Variants in RCN2 observed in about 807,000 individuals in gnomAD.
RCN2 encodes reticulocalbin-2.
Under a neutral mutation model 37.5 loss-of-function variants are expected in RCN2, and 23 were observed. That is an observed-to-expected ratio of 0.61 (90% CI 0.44 to 0.87). The LOEUF is 0.87. Ranked by LOEUF, RCN2 falls within the 40% of genes least tolerant of loss-of-function variation. The pLI, the probability that RCN2 is intolerant of heterozygous loss-of-function variation, is 0.00. For synonymous variants in RCN2, 140 were observed against 144.6 expected (o/e 0.97, Z 0.23); for missense variants, 381 against 390.4 (o/e 0.98, Z 0.20).
intron 3 of RCN2, among the ~76,000 whole-genome samples, chr15:76,939,404 A>G (rs1227281176): frequency 6.6e-6 from 1 of 151,204 alleles, no homozygotes; most frequent in Non-Finnish European, 1.5e-5. Context: ...ACATAAATTT[A>G]TATTTAATCA....
Position 76,953,419 on chromosome 15 carries a change from C to G in RCN2, c.*4197C>G, listed in dbSNP as rs758565543. 3.3e-5 allele frequency: 5 copies of G among 150,996 alleles called. No homozygotes were observed. Among genetic ancestry groups the G allele is most frequent in the Non-Finnish European group, 7.4e-5 (5 of 67,870 alleles). The allele number at this position is 150,996 out of a possible 1,614,324, so 9.4% of individuals were successfully genotyped here. On this transcript the variant is annotated 3_prime_UTR_variant, in exon 7 of 7. Transcript: ENST00000394885. The stretch of plus-strand genomic sequence containing the variant: ...TTATCCATTCACCCTTTGATGGACA[C>G]AGGTTGCTTCCACCTTTTATTGTGA...
chr15:76,932,631 G>A (rs145220196), intron 2 of RCN2, among the ~76,000 whole-genome samples, 165 bp downstream of exon 2: 1 of 152,224 alleles, frequency 6.6e-6, no homozygotes, highest in Admixed American at 6.5e-5. Context: ...TAGACACTGA[G>A]AACCAAGTAA....
Position 76,951,350 on chromosome 15 carries a change from G to A in RCN2, c.*2128G>A, listed in dbSNP as rs961999811. On this transcript the variant is annotated 3_prime_UTR_variant, in exon 7 of 7. Coordinates refer to ENST00000394885, the MANE Select transcript of RCN2 (RefSeq NM_002902.3). ...TTTCCTCTGCCACAGCACTGTGCAG[G>A]AGGCCTCAGCTGAAATGGTGCAGCC... The A allele has an allele frequency of 6.6e-6, 1 of 152,212 alleles. No homozygotes were observed. Among genetic ancestry groups the A allele is most frequent in the African/African-American group, 2.4e-5 (1 of 41,424 alleles). The allele number at this position is 152,212 out of a possible 1,614,324, so 9.4% of individuals were successfully genotyped here.
intron 2 of RCN2, among the ~76,000 whole-genome samples, chr15:76,934,324 A>G (rs1012627567): frequency 1.3e-5 from 2 of 151,878 alleles, no homozygotes; most frequent in African/African-American, 4.8e-5. Flanking sequence ...TTGTATTTTT[A>G]GTAGAGACGG....
intron 3 of RCN2, among the ~76,000 whole-genome samples, chr15:76,939,388 C>T (rs1318716874): frequency 6.6e-6 from 1 of 152,052 alleles, no homozygotes; most frequent in Non-Finnish European, 1.5e-5. Context: ...AAAGCATTTA[C>T]AGTTCACATA....
Position 76,949,430 on chromosome 15 carries a change from T to C in RCN2, c.*208T>C. ...CAAAATGTATTGAAGCAACAAAATA[T>C]TAATATTGTGCCATATGACAACAAA... On this transcript the variant is annotated 3_prime_UTR_variant, in exon 7 of 7. Transcript: ENST00000394885. 5.0e-6 allele frequency: 2 copies of C among 398,692 alleles called. No homozygotes were observed. The highest frequency in any genetic ancestry group is 6.9e-5 in the South Asian group (1 of 14,510). The allele number at this position is 398,692 out of a possible 1,614,324, so 24.7% of individuals were successfully genotyped here.
intron 3 of RCN2, among the ~76,000 whole-genome samples, chr15:76,940,254 C>A (rs1337029321): frequency 4.6e-5 from 7 of 151,178 alleles, no homozygotes; most frequent in African/African-American, 1.7e-4. Flanking sequence ...TGCTTGAGCC[C>A]AGGAATTTGA....
At position 76,948,307 on chromosome 15, in the gene RCN2, G is replaced by A. The variant is rs148875036; in HGVS notation, c.659-103G>A. The A allele has an allele frequency of 1.6e-3, 1,209 of 748,306 alleles. 17 individuals are homozygous for A. The African/African-American group carries it at 0.018, about 11-fold the overall frequency. 46.4% of individuals were successfully genotyped at this position (748,306 alleles called of 1,614,324 possible). The stretch of plus-strand genomic sequence containing the variant: ...GTTCTGTTTTATTGGGCTTTCTTTA[G>A]TAAACTTTAAATTCACTTCCTTTAT... On this transcript the variant is annotated intron_variant, in intron 5 of 6. Transcript: ENST00000394885.
chr15:76,932,198 T>G (rs2075226585), intron 1 of RCN2, among the ~76,000 whole-genome samples, 163 bp from the exon 2 acceptor site: 1 of 151,986 alleles, frequency 6.6e-6, no homozygotes, highest in African/African-American at 2.4e-5. Flanking sequence ...CTTCTACCCC[T>G]CAGATCATGG....
At chr15:76,943,075 A>G (rs1464090337) in intron 3 of RCN2, 7 of 152,228 alleles carry the variant, frequency 4.6e-5, no homozygotes, top group Non-Finnish European at 8.8e-5. Flanking sequence ...GACCAGAAAC[A>G]TTTTTTAAAA....
chr15:76,935,463 A>G, intron 2 of RCN2, 63 bp from the exon 3 acceptor site: 6 of 1,344,420 alleles, frequency 4.5e-6, no homozygotes, highest in Non-Finnish European at 6.2e-6. Flanking sequence ...AAGGTTTGGA[A>G]ATCCTTACTC....
intron 6 of RCN2, chr15:76,948,783 G>T (rs747991995): frequency 7.6e-6 from 4 of 525,554 alleles, no homozygotes; most frequent in Non-Finnish European, 1.3e-5. Flanking sequence ...ATAATAGTTT[G>T]TATTTACCTA....
chr15:76,939,410 A>C (rs2075268199), intron 3 of RCN2, among the ~76,000 whole-genome samples: 1 of 152,194 alleles, frequency 6.6e-6, no homozygotes, highest in Non-Finnish European at 1.5e-5. Context: ...ATTTATATTT[A>C]ATCAACTTTT....
intron 4 of RCN2, 113 bp downstream of exon 4, chr15:76,943,984 CTTTTTTTTTTTTTTTT>C (rs11361216): frequency 1.0e-5 from 1 of 96,110 alleles, no homozygotes; most frequent in East Asian, 2.6e-4. Context: ...ATACATGAGA[CTTTTTTTTTTTTTTTT>C]TTTTTTTTTT....
At chr15:76,936,022 C>A (rs2075245988) in intron 3 of RCN2, among the ~76,000 whole-genome samples, 1 of 151,688 alleles carries the variant, frequency 6.6e-6, no homozygotes, top group African/African-American at 2.4e-5. Context: ...ATTTTAATAT[C>A]ATTGAATAAT....
In RCN2 at chr15:76,935,633, G is replaced by T. The variant is rs760409700; in HGVS notation, c.358G>T (p.Asp120Tyr). The change falls in exon 3 of 7, where the codon GAT becomes TAT. Residue 120 changes from aspartate to tyrosine, a missense_variant. Physicochemically the swap from Asp to Tyr is radical, Grantham distance 160. Transcript: ENST00000394885. ...DKNSDDTVTWDEYNIQMYDRV... is the reference protein window; with the variant it reads ...DKNSDDTVTWYEYNIQMYDRV... ...AAACAGTGATGATACTGTGACTTGG[G>T]ATGAATATAACATTCAGATGTATGA... 15 of 1,613,602 alleles carry T rather than the reference G, an allele frequency of 9.3e-6. No individual in the cohort carries two copies. Among genetic ancestry groups the T allele is most frequent in the Non-Finnish European group, 1.3e-5 (15 of 1,179,630 alleles).
chr15:76,935,473 C>A (rs1019441245), intron 2 of RCN2, 53 bp from the exon 3 acceptor site: 14 of 1,415,758 alleles, frequency 9.9e-6, no homozygotes, highest in Non-Finnish European at 2.9e-6. Flanking sequence ...AATCCTTACT[C>A]TTAAGTATCA....
rs779419307 is a variant in RCN2, at chr15:76,932,439, T to C, written c.223T>C (p.Leu75=). 2 of 1,610,692 alleles carry C rather than the reference T, an allele frequency of 1.2e-6. No homozygotes were observed. Among genetic ancestry groups the C allele is most frequent in the Non-Finnish European group, 1.7e-6 (2 of 1,178,690 alleles). Residue 75 remains leucine, a synonymous_variant, in exon 2 of 7, where the codon TTG becomes CTG. Coordinates refer to ENST00000394885, the MANE Select transcript of RCN2 (RefSeq NM_002902.3). ...GCAGGCGATCATAAAGAAAATCGAC[T>C]TGGACTCAGATGGCTTTCTCACTGA... ...RLQAIIKKID[L]DSDGFLTESE...
chr15:76,939,102 C>T (rs1037587070), intron 3 of RCN2, among the ~76,000 whole-genome samples: 5 of 152,016 alleles, frequency 3.3e-5, no homozygotes, highest in African/African-American at 4.8e-5. Flanking sequence ...CATGATGGTC[C>T]GTCCTGTGAT....
Sources: allele counts gnomAD v4.1 joint callset (sites outside exome capture counted in the v4.1 genomes callset), GRCh38; gene constraint gnomAD v4.1.1; transcripts MANE v1.5; gene names NCBI Gene and HGNC (gene_info 2026-07-23, HGNC 2026-07-21).